The following PALLD variants were observed in gnomAD, a reference collection of about 807,000 sequenced individuals.
PALLD encodes palladin.
PALLD carries 61 observed loss-of-function variants against 123.5 expected under a neutral mutation model. That is an observed-to-expected ratio of 0.49 (90% confidence interval 0.40 to 0.61). The LOEUF (loss-of-function observed/expected upper bound fraction) is 0.61, where lower values mean the gene tolerates loss of function less well. Among genes scored for constraint, PALLD ranks in the 20% least tolerant of loss-of-function variants. PALLD has a pLI of 0.00. For synonymous variants in PALLD, 465 were observed against 496.4 expected (o/e 0.94, Z 0.84); for missense variants, 1,273 against 1,377.0 (o/e 0.92, Z 1.20).
chr4:168,668,544 T>A (rs1580851031), intron 3 of PALLD, among the ~76,000 whole-genome samples, 176 bp downstream of exon 3: 2 of 152,246 alleles, frequency 1.3e-5, no homozygotes, highest in South Asian at 4.1e-4. Flanking sequence ...TAGGCACCCA[T>A]CAACTATCTC....
chr4:168,710,618 G>A (rs1784743627), intron 9 of PALLD, among the ~76,000 whole-genome samples: 1 of 152,144 alleles, frequency 6.6e-6, no homozygotes, highest in African/African-American at 2.4e-5. Flanking sequence ...AGAAATGGGA[G>A]GGTCATCTTA....
chr4:168,538,343 A>G (rs1765283442), intron 2 of PALLD, among the ~76,000 whole-genome samples: 1 of 152,180 alleles, frequency 6.6e-6, no homozygotes, highest in African/African-American at 2.4e-5. Context: ...ATGAAAAGGT[A>G]AGTATACAAA....
intron 10 of PALLD, among the ~76,000 whole-genome samples, chr4:168,771,120 G>A (rs17708289): frequency 0.38 from 56,723 of 150,764 alleles, 11,836 homozygotes; most frequent in East Asian, 0.56. Context: ...GCAAATACAT[G>A]TTCCTCCAAA....
At chr4:168,570,730 T>A (rs936493552) in intron 2 of PALLD, among the ~76,000 whole-genome samples, 1 of 152,190 alleles carries the variant, frequency 6.6e-6, no homozygotes, top group East Asian at 1.9e-4. Flanking sequence ...GGACATTTTT[T>A]TATAGTCATA....
At chr4:168,627,088 ATG>A (rs1210490334) in intron 2 of PALLD, among the ~76,000 whole-genome samples, 1 of 152,230 alleles carries the variant, frequency 6.6e-6, no homozygotes, top group East Asian at 1.9e-4. Context: ...GGTATATTTT[ATG>A]TGTTTTTTAA....
chr4:168,813,197 G>C (rs1451464121), intron 10 of PALLD, among the ~76,000 whole-genome samples: 1 of 152,016 alleles, frequency 6.6e-6, no homozygotes, highest in Non-Finnish European at 1.5e-5. Flanking sequence ...ATAACTCCCA[G>C]TAAAAATTCA....
intron 2 of PALLD, among the ~76,000 whole-genome samples, chr4:168,576,679 A>G (rs1464782600): frequency 6.6e-6 from 1 of 152,180 alleles, no homozygotes; most frequent in Non-Finnish European, 1.5e-5. Context: ...TATTGTGAAT[A>G]GTGCCGCAAT....
At chr4:168,858,121 G>A (rs1748874138) in intron 10 of PALLD, among the ~76,000 whole-genome samples, 1 of 152,156 alleles carries the variant, frequency 6.6e-6, no homozygotes, top group Non-Finnish European at 1.5e-5. Flanking sequence ...TTCCTAATAA[G>A]GAAGAATGAT....
intron 3 of PALLD, among the ~76,000 whole-genome samples, 183 bp downstream of exon 3, chr4:168,668,551 T>A (rs995396839): frequency 2.6e-5 from 4 of 152,246 alleles, no homozygotes; most frequent in African/African-American, 9.6e-5. Context: ...CCATCAACTA[T>A]CTCTGATGTC....
At chr4:168,676,308 G>A (rs1458203740) in intron 3 of PALLD, among the ~76,000 whole-genome samples, 4 of 151,336 alleles carry the variant, frequency 2.6e-5, no homozygotes, top group South Asian at 2.1e-4. Flanking sequence ...ACATTGCTTC[G>A]GTTACTCTGA....
At chr4:168,548,906 G>A (rs928808286) in intron 2 of PALLD, among the ~76,000 whole-genome samples, 1 of 152,000 alleles carries the variant, frequency 6.6e-6, no homozygotes, top group African/African-American at 2.4e-5. Flanking sequence ...ACAATATTTT[G>A]GGAGGCCAAG....
intron 3 of PALLD, among the ~76,000 whole-genome samples, chr4:168,672,949 C>T (rs1005823728): frequency 3.3e-5 from 5 of 152,172 alleles, no homozygotes; most frequent in Admixed American, 2.0e-4. Context: ...AGTGTGACTC[C>T]TGAATCTGCC....
rs1275071869 is a variant in PALLD at position 168,691,352 on chromosome 4, G to T, written c.1501+60G>T. The T allele has an allele frequency of 8.8e-6, 12 of 1,365,928 alleles. No individual in the cohort carries two copies. In the African/African-American group the frequency reaches 1.2e-4, roughly 13 times the overall value. 84.6% of individuals were successfully genotyped at this position (1,365,928 alleles called of 1,614,324 possible). A position where few individuals can be genotyped will look rare whatever the true frequency, so the allele number is the denominator to read the frequency against. ...TGGGGGAGCAGATAATGTATCTTTT[G>T]GGTCTCAATAGTTCTTTCTTTCTAC... is the stretch of plus-strand genomic sequence containing the variant. On this transcript the variant is annotated intron_variant, in intron 8 of 21. Transcript: ENST00000505667.
rs1219969341 is a variant in PALLD, at chr4:168,564,285, T to C, written c.908+51873T>C. On this transcript the variant is annotated intron_variant, in intron 2 of 21. Coordinates refer to ENST00000505667, the MANE Select transcript of PALLD (RefSeq NM_001166108.2). Reference sequence around the variant, plus strand: ...TGAGGTTAGATAAGGTCACGTAGACTCCAACATAACCAGTGTCTCAAGTGA... The same window carrying C: ...TGAGGTTAGATAAGGTCACGTAGACCCCAACATAACCAGTGTCTCAAGTGA... Among the ~76,000 whole-genome samples the C allele has an allele frequency of 2.0e-5, 3 of 152,218 alleles. No homozygotes were observed. In the East Asian group the frequency reaches 5.8e-4, roughly 29 times the overall value.
intron 2 of PALLD, among the ~76,000 whole-genome samples, chr4:168,624,995 T>C (rs1775100419): frequency 6.6e-6 from 1 of 152,112 alleles, no homozygotes; most frequent in African/African-American, 2.4e-5. Context: ...ATGTTAATTA[T>C]TTAAATTTAA....
chr4:168,552,397 T>C (rs554654681), intron 2 of PALLD, among the ~76,000 whole-genome samples: 54 of 152,290 alleles, frequency 3.5e-4, no homozygotes, highest in Non-Finnish European at 6.3e-4. Flanking sequence ...AGTCCAGTGC[T>C]GCAGGAAAAT....
At chr4:168,891,682 TA>T (rs5863966) in intron 11 of PALLD, among the ~76,000 whole-genome samples, 94,490 of 142,788 alleles carry the variant, frequency 0.66, 31,914 homozygotes, top group South Asian at 0.76. Context: ...CCAATGGTAT[TA>T]AAAAAAAAAA....
chr4:168,891,815 A>C (rs958172232), intron 11 of PALLD, among the ~76,000 whole-genome samples: 1 of 152,094 alleles, frequency 6.6e-6, no homozygotes, highest in Non-Finnish European at 1.5e-5. Context: ...CAAAAAGAGA[A>C]TTTGTTTTCC....
intron 2 of PALLD, among the ~76,000 whole-genome samples, chr4:168,528,424 G>A (rs13143359): frequency 0.28 from 42,799 of 152,148 alleles, 7,018 homozygotes; most frequent in East Asian, 0.57. Flanking sequence ...GTTGTAAGTG[G>A]AATTTTCTCA....
Sources: allele counts gnomAD v4.1 joint callset (sites outside exome capture counted in the v4.1 genomes callset), GRCh38; gene constraint gnomAD v4.1.1; transcripts MANE v1.5; gene names NCBI Gene and HGNC (gene_info 2026-07-23, HGNC 2026-07-21).